The following LRCH1 variants were observed in gnomAD, a reference collection of about 807,000 sequenced individuals.
LRCH1 encodes the protein leucine-rich repeat and calponin homology domain-containing protein 1.
A neutral mutation model predicts 94.9 loss-of-function variants in LRCH1; 23 were observed. The ratio of observed to expected loss-of-function variants is 0.24; its 90% CI spans 0.17 to 0.34. The LOEUF (loss-of-function observed/expected upper bound fraction) is 0.34, where lower values mean the gene tolerates loss of function less well. Among genes scored for constraint, LRCH1 ranks in the 10% least tolerant of loss-of-function variants. The pLI, the probability that LRCH1 is intolerant of heterozygous loss-of-function variation, is 1.00. For missense variants in LRCH1, 790 were observed against 945.9 expected, an observed-to-expected ratio of 0.84 and a Z score of 2.16; for synonymous variants, 364 against 354.9, an observed-to-expected ratio of 1.03 and a Z score of -0.29.
At chr13:46,687,792 ATACT>A (rs1389256337) in intron 5 of LRCH1, 56 bp from the exon 6 acceptor site, 5 of 1,441,330 alleles carry the variant, frequency 3.5e-6, no homozygotes, top group Non-Finnish European at 4.8e-6. Context: ...TAAGGATTTG[ATACT>A]TACATTTTGT....
chr13:46,648,808 T>C (rs1166312045), intron 1 of LRCH1, among the ~76,000 whole-genome samples: 3 of 152,208 alleles, frequency 2.0e-5, no homozygotes, highest in African/African-American at 7.2e-5. Flanking sequence ...TCTTCTTTTG[T>C]GTCATTTTGC....
At chr13:46,568,587 G>A (rs2050209646) in intron 1 of LRCH1, among the ~76,000 whole-genome samples, 1 of 152,266 alleles carries the variant, frequency 6.6e-6, no homozygotes, top group Non-Finnish European at 1.5e-5. Flanking sequence ...GTTTATTTTA[G>A]TTGGTAAAAT....
In LRCH1 at chr13:46,742,600, T is replaced by G. The variant is rs770747995; in HGVS notation, c.*752T>G. 5.1e-6 allele frequency: 5 copies of G among 985,332 alleles called. No individual in the cohort carries two copies. The highest frequency in any genetic ancestry group is 6.0e-6 in the Non-Finnish European group (5 of 829,950). The allele number at this position is 985,332 out of a possible 1,614,324, so 61.0% of individuals were successfully genotyped here. A position where few individuals can be genotyped will look rare whatever the true frequency, so the allele number is the denominator to read the frequency against. On this transcript the variant is annotated 3_prime_UTR_variant, in exon 20 of 20. Transcript: ENST00000389797. ...AGTCACTTAAACACCAGTTTTTTAC[T>G]GCTTAATTCCTTGTTAGGTCTTCTC...
intron 1 of LRCH1, among the ~76,000 whole-genome samples, chr13:46,622,771 A>G (rs2050895333): frequency 6.6e-6 from 1 of 152,268 alleles, no homozygotes; most frequent in East Asian, 1.9e-4. Context: ...TTGCTAATTT[A>G]AACAACATGA....
intron 1 of LRCH1, among the ~76,000 whole-genome samples, chr13:46,602,627 T>C (rs890959520): frequency 4.6e-5 from 7 of 152,192 alleles, no homozygotes; most frequent in Non-Finnish European, 1.0e-4. Flanking sequence ...TCAACATTAT[T>C]ATTATTTCCT....
chr13:46,695,069 C>T (rs1871109594), intron 9 of LRCH1, 52 bp downstream of exon 9: 1 of 1,598,184 alleles, frequency 6.3e-7, no homozygotes, highest in South Asian at 1.1e-5. Context: ...TTCTGTTTGG[C>T]ACCGTACAAT....
At chr13:46,699,938 C>T (rs1871378853) in intron 10 of LRCH1, among the ~76,000 whole-genome samples, 1 of 152,152 alleles carries the variant, frequency 6.6e-6, no homozygotes, top group Admixed American at 6.5e-5. Context: ...TGTTCTTGTC[C>T]CGCATTTCAC....
intron 2 of LRCH1, among the ~76,000 whole-genome samples, chr13:46,658,605 C>T (rs1211012032): frequency 5.9e-5 from 9 of 152,026 alleles, no homozygotes; most frequent in Non-Finnish European, 8.8e-5. Context: ...TTAGCCTCCG[C>T]AGGAGCTGGG....
At chr13:46,570,743 C>A (rs903101463) in intron 1 of LRCH1, among the ~76,000 whole-genome samples, 1 of 152,144 alleles carries the variant, frequency 6.6e-6, no homozygotes, top group Non-Finnish European at 1.5e-5. Context: ...TTAGAAGAGA[C>A]AACGTAAAAG....
chr13:46,717,349 G>A (rs536780743), intron 16 of LRCH1: 1 of 152,228 alleles, frequency 6.6e-6, no homozygotes, highest in South Asian at 2.1e-4. Context: ...TTTTCTATGA[G>A]TAAAAATTCC....
At position 46,615,957 on chromosome 13, in the gene LRCH1, G is replaced by A. The variant is rs971478136; in HGVS notation, c.308-34244G>A. Among the ~76,000 whole-genome samples, 5 of 151,758 alleles carry A rather than the reference G, an allele frequency of 3.3e-5. No homozygotes were observed. The East Asian group carries it at 7.8e-4, about 24-fold the overall frequency. On this transcript the variant is annotated intron_variant, in intron 1 of 19. Transcript: ENST00000389797. ...CCTCTCTGTTTGTACCCCTGTACAAGGCAGCTCTTGTGGTTACGATTTGTT... is the reference window on the plus strand; with the variant it reads ...CCTCTCTGTTTGTACCCCTGTACAAAGCAGCTCTTGTGGTTACGATTTGTT...
In LRCH1 at chr13:46,741,642, G is replaced by A; in HGVS notation, c.2086G>A (p.Ala696Thr). Residue 696 changes from alanine to threonine, a missense_variant and splice_region_variant, in exon 20 of 20, where the codon GCT (alanine) becomes ACT (threonine). Ala to Thr is a moderately conservative substitution (Grantham distance 58). Transcript: ENST00000389797. Reference sequence around the variant, plus strand: ...GTTCTAATGGCTGCCCTCGGAATAGGCTGACCTCTGCTCTCCGTGTGACAT... The same window carrying A: ...GTTCTAATGGCTGCCCTCGGAATAGACTGACCTCTGCTCTCCGTGTGACAT... ...EACRKLGVPEADLCSPCDILQ... is the reference protein window; with the variant it reads ...EACRKLGVPETDLCSPCDILQ... 2.5e-6 allele frequency: 4 copies of A among 1,614,086 alleles called. No individual in the cohort carries two copies. The highest frequency in any genetic ancestry group is 1.3e-5 in the African/African-American group (1 of 75,016).
At chr13:46,679,189 A>T (rs1331045674) in intron 3 of LRCH1, among the ~76,000 whole-genome samples, 2 of 152,232 alleles carry the variant, frequency 1.3e-5, no homozygotes, top group Non-Finnish European at 2.9e-5. Context: ...CCTGCCAACA[A>T]CATCACCCAA....
At position 46,743,100 on chromosome 13, in the gene LRCH1, A is replaced by G. The variant is rs1873749024; in HGVS notation, c.*1252A>G. On this transcript the variant is annotated 3_prime_UTR_variant, in exon 20 of 20. Coordinates refer to ENST00000389797, the MANE Select transcript of LRCH1 (RefSeq NM_001164211.2). ...GGTCAAGGCAGCCTCCTTATTTTAC[A>G]TGCTGTTTGCCAAATCTTGTTTCTT... 1.0e-6 allele frequency: 1 copy of G among 985,466 alleles called. No individual in the cohort carries two copies. Among genetic ancestry groups the G allele is most frequent in the Admixed American group, 6.1e-5 (1 of 16,292 alleles). 61.0% of individuals were successfully genotyped at this position (985,466 alleles called of 1,614,324 possible).
intron 18 of LRCH1, among the ~76,000 whole-genome samples, chr13:46,729,381 C>T (rs1260276897): frequency 6.6e-6 from 1 of 151,310 alleles, no homozygotes; most frequent in Non-Finnish European, 1.5e-5. Flanking sequence ...CTACACAATA[C>T]AAAAATATGA....
At chr13:46,591,593 C>T (rs540241378) in intron 1 of LRCH1, among the ~76,000 whole-genome samples, 21 of 152,248 alleles carry the variant, frequency 1.4e-4, no homozygotes, top group South Asian at 2.1e-4. Flanking sequence ...GCAATTAAGA[C>T]GAAAGTCATG....
chr13:46,648,907 A>G (rs188756260), intron 1 of LRCH1, among the ~76,000 whole-genome samples: 4 of 152,180 alleles, frequency 2.6e-5, no homozygotes, highest in African/African-American at 9.7e-5. Flanking sequence ...GAAGATGATC[A>G]TATATCATTT....
intron 1 of LRCH1, among the ~76,000 whole-genome samples, chr13:46,629,870 A>G (rs2050998116): frequency 6.6e-6 from 1 of 152,276 alleles, no homozygotes; most frequent in Non-Finnish European, 1.5e-5. Context: ...CAGTTAGAAA[A>G]GGTAGACATC....
intron 1 of LRCH1, among the ~76,000 whole-genome samples, chr13:46,585,887 C>T (rs1390173324): frequency 1.3e-5 from 2 of 150,136 alleles, no homozygotes; most frequent in Admixed American, 1.3e-4. Context: ...TTTTTTCTTT[C>T]CGTTTAAAAT....
Sources: gnomAD v4.1 joint callset for allele counts (sites outside exome capture counted in the v4.1 genomes callset) on GRCh38, gnomAD v4.1.1 for gene constraint, MANE v1.5 for transcripts, NCBI Gene and HGNC (gene_info 2026-07-23, HGNC 2026-07-21) for gene names.